The following BTBD9 variants were observed in gnomAD, a reference collection of about 807,000 sequenced individuals.
BTBD9 encodes the protein BTB domain containing 9, also known as BTB/POZ domain-containing protein 9.
A neutral mutation model predicts 64.3 loss-of-function variants in BTBD9; 49 were observed. The ratio of observed to expected loss-of-function variants is 0.76; its 90% CI spans 0.61 to 0.97. The LOEUF (loss-of-function observed/expected upper bound fraction) is 0.97, where lower values mean the gene tolerates loss of function less well. BTBD9 is among the 50% of genes least tolerant of loss of function. The probability of loss-of-function intolerance (pLI) is 0.00; values close to 1 mark genes in which losing one functional copy is unlikely to be tolerated. For synonymous variants in BTBD9, 260 were observed against 274.7 expected (o/e 0.95, Z 0.53); for missense variants, 598 against 762.1 (o/e 0.78, Z 2.53).
chr6:38,222,419 C>G (rs1225776767), intron 9 of BTBD9, among the ~76,000 whole-genome samples: 8 of 151,828 alleles, frequency 5.3e-5, no homozygotes, highest in African/African-American at 1.7e-4. Context: ...CGCCACCATG[C>G]CCATCTAATT....
At chr6:38,586,267 A>T (rs1435437779) in intron 4 of BTBD9, among the ~76,000 whole-genome samples, 1 of 152,160 alleles carries the variant, frequency 6.6e-6, no homozygotes, top group Non-Finnish European at 1.5e-5. Context: ...CAAATATCCT[A>T]AGAAAAAAAA....
intron 6 of BTBD9, among the ~76,000 whole-genome samples, chr6:38,471,069 AT>A (rs1306868664): frequency 6.6e-6 from 1 of 152,190 alleles, no homozygotes; most frequent in Non-Finnish European, 1.5e-5. Flanking sequence ...TAAATAGAGG[AT>A]GGTAAACTTA....
intron 6 of BTBD9, among the ~76,000 whole-genome samples, chr6:38,375,931 G>GAAAGAAAGAA (rs1226712781): frequency 6.0e-5 from 8 of 133,132 alleles, no homozygotes; most frequent in African/African-American, 2.4e-4. Context: ...AAGAAAGAAA[G>GAAAGAAAGAA]AAAGAAAGAA....
chr6:38,464,309 C>G (rs1169254554), intron 6 of BTBD9, among the ~76,000 whole-genome samples: 24 of 151,476 alleles, frequency 1.6e-4, no homozygotes, highest in Admixed American at 1.6e-3. Flanking sequence ...GCAGCCCTGG[C>G]AAACTAATAG....
At position 38,421,615 on chromosome 6, in the gene BTBD9, G is replaced by A. The variant is rs139294488; in HGVS notation, c.1155-76522C>T. Among the ~76,000 whole-genome samples the A allele has an allele frequency of 7.0e-4, 106 of 152,256 alleles. 2 individuals are homozygous for A. In the South Asian group the frequency reaches 0.011, roughly 16 times the overall value. Reference sequence around the variant, plus strand: ...AGCACATGGAGCAGCAGATTTTAGTGGTTCATAGTAATATAGCTAGTCATA... The same window carrying A: ...AGCACATGGAGCAGCAGATTTTAGTAGTTCATAGTAATATAGCTAGTCATA... On this transcript the variant is annotated intron_variant, in intron 6 of 10. Transcript: ENST00000481247.
chr6:38,592,572 T>A lies in BTBD9; in HGVS notation c.814+4A>T. 6.2e-7 allele frequency: 1 copy of A among 1,613,882 alleles called. No homozygotes were observed. Among genetic ancestry groups the A allele is most frequent in the Non-Finnish European group, 8.5e-7 (1 of 1,179,834 alleles). On this transcript the variant is annotated splice_donor_region_variant and intron_variant, in intron 4 of 10. Transcript: ENST00000481247. ...GGTTGAGTTTAGGATAGACAGGTAC[T>A]TACTGAGCATGCCTCTATAATTGAG...
Position 38,529,792 on chromosome 6 carries a change from A to G in BTBD9, c.1154+47808T>C, listed in dbSNP as rs1333390305. On this transcript the variant is annotated intron_variant, in intron 6 of 10. Coordinates refer to ENST00000481247, the MANE Select transcript of BTBD9 (RefSeq NM_001099272.2). ...TCAGGACCACTATGATAATTGTGTT[A>G]ACTGTACAAATTGATTGTAAAACGT... Among the ~76,000 whole-genome samples the G allele has an allele frequency of 3.9e-5, 6 of 152,206 alleles. No homozygotes were observed. In the South Asian group the frequency reaches 8.3e-4, roughly 21 times the overall value.
At chr6:38,466,992 T>C (rs996784486) in intron 6 of BTBD9, among the ~76,000 whole-genome samples, 1 of 152,216 alleles carries the variant, frequency 6.6e-6, no homozygotes, top group African/African-American at 2.4e-5. Context: ...GCAACCAGTC[T>C]ATGCATAACC....
rs758502176 is a variant in BTBD9, at chr6:38,175,119, C to A, written c.1705G>T (p.Glu569Ter). 27 of 1,614,106 alleles carry A rather than the reference C, an allele frequency of 1.7e-5. No individual in the cohort carries two copies. The highest frequency in any genetic ancestry group is 2.2e-5 in the Non-Finnish European group (26 of 1,180,030). ...QQSSQKEENS[E>*]ESGTGDTSLA... is the part of the protein sequence containing the mutation. ...CTGGTGTCCCCTGTCCCCGATTCCT[C>A]ACTATTTTCCTCCTTCTGGCTGCTC... Residue 569 changes from glutamate (E) to a stop codon, truncating the protein, a stop_gained, in exon 11 of 11, where the codon GAG (glutamate) becomes TAG (stop). Coordinates refer to ENST00000481247, the MANE Select transcript of BTBD9 (RefSeq NM_001099272.2). LOFTEE classifies it high-confidence loss of function.
intron 1 of BTBD9, among the ~76,000 whole-genome samples, chr6:38,623,438 T>C (rs151251790): frequency 1.1e-4 from 16 of 152,170 alleles, no homozygotes; most frequent in African/African-American, 3.9e-4. Flanking sequence ...TTCAGACAGT[T>C]TGCAAAAAAA....
chr6:38,468,661 C>T, intron 6 of BTBD9, among the ~76,000 whole-genome samples: 1 of 152,208 alleles, frequency 6.6e-6, no homozygotes, highest in East Asian at 1.9e-4. Context: ...CTGTAACTCT[C>T]AAGTTTCCCT....
chr6:38,298,909 G>T (rs1582187387), intron 7 of BTBD9, among the ~76,000 whole-genome samples: 1 of 151,512 alleles, frequency 6.6e-6, no homozygotes, highest in East Asian at 1.9e-4. Context: ...ACAACGTGCA[G>T]GTTTGTTACA....
intron 6 of BTBD9, among the ~76,000 whole-genome samples, chr6:38,555,897 T>C (rs914794803): frequency 1.3e-5 from 2 of 152,236 alleles, no homozygotes; most frequent in Non-Finnish European, 2.9e-5. Context: ...TTGAGTACAC[T>C]GATTTTACAT....
intron 10 of BTBD9, among the ~76,000 whole-genome samples, chr6:38,189,716 G>A (rs556083399): frequency 5.3e-5 from 8 of 150,918 alleles, no homozygotes; most frequent in African/African-American, 1.5e-4. Context: ...TTCTGTTGCC[G>A]AGGCTGGAGT....
chr6:38,544,761 T>C (rs1774450571), intron 6 of BTBD9, among the ~76,000 whole-genome samples: 2 of 151,652 alleles, frequency 1.3e-5, no homozygotes, highest in Non-Finnish European at 2.9e-5. Flanking sequence ...ACCCTGTCTC[T>C]ACTAAAAATA....
chr6:38,604,165 C>T (rs958376177), intron 1 of BTBD9, among the ~76,000 whole-genome samples: 13 of 152,116 alleles, frequency 8.5e-5, no homozygotes, highest in African/African-American at 2.7e-4. Context: ...TAAAGTGCTA[C>T]GTAAGAACAT....
intron 6 of BTBD9, among the ~76,000 whole-genome samples, chr6:38,370,815 C>T (rs1409665629): frequency 1.3e-5 from 2 of 152,214 alleles, no homozygotes; most frequent in African/African-American, 4.8e-5. Flanking sequence ...TTGCCCTTAA[C>T]ATGTCACGGA....
chr6:38,474,266 G>A (rs1172355232), intron 6 of BTBD9, among the ~76,000 whole-genome samples: 13 of 152,312 alleles, frequency 8.5e-5, no homozygotes, highest in African/African-American at 3.1e-4. Context: ...GCTCGTAACT[G>A]TAATTCCAGC....
At chr6:38,609,710 C>T (rs1777549190) in intron 1 of BTBD9, among the ~76,000 whole-genome samples, 1 of 152,206 alleles carries the variant, frequency 6.6e-6, no homozygotes, top group Non-Finnish European at 1.5e-5. Context: ...GACTGCTATC[C>T]TCAGTTTTGA....
Sources: gnomAD v4.1 joint callset for allele counts (sites outside exome capture counted in the v4.1 genomes callset) on GRCh38, gnomAD v4.1.1 for gene constraint, MANE v1.5 for transcripts, NCBI Gene and HGNC (gene_info 2026-07-23, HGNC 2026-07-21) for gene names.